SLIT2: variants seen among roughly 807,000 people sequenced by gnomAD.
The protein encoded by SLIT2 is slit homolog 2 protein.
In SLIT2, 41 loss-of-function variants were observed where a neutral mutation model predicts 185.7. That is an observed-to-expected ratio of 0.22 (90% CI 0.17 to 0.29). SLIT2 has a LOEUF of 0.29. SLIT2 is among the 10% of genes least tolerant of loss of function. SLIT2 has a pLI of 1.00. For synonymous variants in SLIT2, 693 were observed against 680.2 expected, an observed-to-expected ratio of 1.02 and a Z score of -0.29; for missense variants, 1,571 against 1,909.0, an observed-to-expected ratio of 0.82 and a Z score of 3.30.
At chr4:20,588,063 T>C (rs1450283058) in intron 29 of SLIT2, among the ~76,000 whole-genome samples, 1 of 152,248 alleles carries the variant, frequency 6.6e-6, no homozygotes, top group Non-Finnish European at 1.5e-5. Flanking sequence ...TGATAAAATA[T>C]GATGAATGCA....
At chr4:20,274,588 A>G (rs1713971822) in intron 4 of SLIT2, among the ~76,000 whole-genome samples, 1 of 152,160 alleles carries the variant, frequency 6.6e-6, no homozygotes, top group Non-Finnish European at 1.5e-5. Context: ...TTTTTACTTC[A>G]AAGGAATTAC....
intron 17 of SLIT2, among the ~76,000 whole-genome samples, chr4:20,533,222 T>G (rs1019829879): frequency 2.0e-5 from 3 of 152,242 alleles, no homozygotes; most frequent in African/African-American, 4.8e-5. Flanking sequence ...TCATTAACAT[T>G]TGACAATTTT....
chr4:20,445,304 C>T (rs562832207), intron 4 of SLIT2, among the ~76,000 whole-genome samples: 2 of 152,282 alleles, frequency 1.3e-5, no homozygotes, highest in East Asian at 1.9e-4. Flanking sequence ...ACATGAGCAT[C>T]ATATTTTCAA....
intron 33 of SLIT2, among the ~76,000 whole-genome samples, chr4:20,606,275 A>G (rs1728791376): frequency 6.6e-6 from 1 of 152,120 alleles, no homozygotes; most frequent in African/African-American, 2.4e-5. Flanking sequence ...CAGGAAGATC[A>G]CTTGAGACCA....
intron 4 of SLIT2, among the ~76,000 whole-genome samples, chr4:20,293,779 A>G (rs190355840): frequency 6.4e-4 from 98 of 152,242 alleles, no homozygotes; most frequent in African/African-American, 2.1e-3. Flanking sequence ...CAGGTGTCAG[A>G]TATATTATGT....
chr4:20,518,842 G>A (rs930002187), intron 11 of SLIT2, among the ~76,000 whole-genome samples: 17 of 149,764 alleles, frequency 1.1e-4, no homozygotes, highest in African/African-American at 3.2e-4. Flanking sequence ...TCCTGACCTC[G>A]TGATCCGCCC....
At position 20,464,791 on chromosome 4, in the gene SLIT2, C is replaced by CT. The variant is rs372867362; in HGVS notation, c.396-2953dup. 2.5e-3 allele frequency among the ~76,000 whole-genome samples: 385 copies of CT among 152,122 alleles called. 2 individuals are homozygous for CT. The highest frequency in any genetic ancestry group is 9.1e-3 in the African/African-American group (377 of 41,500). On this transcript the variant is annotated intron_variant, in intron 4 of 36. Transcript: ENST00000504154. Reference sequence around the variant, plus strand: ...TTATGTGTTGACACATTCACATAATCTTTTTTTTCTTATTCCAAGTGCTTT... The same window carrying CT: ...TTATGTGTTGACACATTCACATAATCTTTTTTTTTCTTATTCCAAGTGCTTT...
chr4:20,379,382 GTACTT>G (rs1724302264), intron 4 of SLIT2, among the ~76,000 whole-genome samples: 1 of 152,096 alleles, frequency 6.6e-6, no homozygotes, highest in Non-Finnish European at 1.5e-5. Context: ...ATGATATTAT[GTACTT>G]TATTTTATGT....
At chr4:20,426,432 A>G (rs1728562638) in intron 4 of SLIT2, among the ~76,000 whole-genome samples, 1 of 152,210 alleles carries the variant, frequency 6.6e-6, no homozygotes, top group Non-Finnish European at 1.5e-5. Context: ...GGGGAAAAAC[A>G]GTTTTGCAAA....
In SLIT2 at chr4:20,417,436, GTATATATATA is replaced by G. The variant is rs367855245; in HGVS notation, c.396-50303_396-50294del. On this transcript the variant is annotated intron_variant, in intron 4 of 36. Coordinates refer to ENST00000504154, the MANE Select transcript of SLIT2 (RefSeq NM_004787.4). ...CGCAATCATATATATATGTGTGTGT[GTATATATATA>G]TATATATATATACGTATATATATGT... is the stretch of plus-strand genomic sequence containing the variant. 3.5e-3 allele frequency among the ~76,000 whole-genome samples: 427 copies of G among 123,680 alleles called. 24 individuals are homozygous for G. The highest frequency in any genetic ancestry group is 6.7e-4 in the Non-Finnish European group (38 of 56,754). The allele number at this position is 123,680 out of a possible 152,430, so 81.1% of individuals were successfully genotyped here.
intron 14 of SLIT2, among the ~76,000 whole-genome samples, chr4:20,524,825 T>C (rs1205771877): frequency 6.6e-6 from 1 of 152,246 alleles, no homozygotes; most frequent in African/African-American, 2.4e-5. Flanking sequence ...ATTTACTGTT[T>C]GCTTTGATCT....
At chr4:20,385,616 G>A (rs1481497279) in intron 4 of SLIT2, among the ~76,000 whole-genome samples, 1 of 152,128 alleles carries the variant, frequency 6.6e-6, no homozygotes, top group African/African-American at 2.4e-5. Flanking sequence ...AAAGTCAGTT[G>A]CATTTCTCTT....
intron 4 of SLIT2, among the ~76,000 whole-genome samples, chr4:20,374,625 T>C (rs1040779233): frequency 7.2e-5 from 11 of 152,036 alleles, no homozygotes; most frequent in African/African-American, 2.4e-4. Context: ...TTTTCCAATC[T>C]GTATTCTTTT....
chr4:20,292,019 A>G (rs770370136), intron 4 of SLIT2, among the ~76,000 whole-genome samples: 4 of 151,982 alleles, frequency 2.6e-5, no homozygotes, highest in Non-Finnish European at 5.9e-5. Flanking sequence ...TGGCTGGACT[A>G]TGGCTGAGAT....
chr4:20,482,190 C>T (rs777097324), intron 6 of SLIT2, among the ~76,000 whole-genome samples: 3 of 151,874 alleles, frequency 2.0e-5, no homozygotes, highest in Non-Finnish European at 1.5e-5. Flanking sequence ...AATCAAACAG[C>T]TGATCAAGCC....
In SLIT2 at chr4:20,379,682, T is replaced by C. The variant is rs185914919; in HGVS notation, c.396-88070T>C. On this transcript the variant is annotated intron_variant, in intron 4 of 36. Transcript: ENST00000504154. ...ATGACAGGAATGGGATTTACTCTCC[T>C]GCTTTAACTAGAAAATTAATGAAAA... 6.6e-5 allele frequency among the ~76,000 whole-genome samples: 10 copies of C among 152,282 alleles called. No individual in the cohort carries two copies. The South Asian group carries it at 1.0e-3, about 16-fold the overall frequency.
intron 4 of SLIT2, among the ~76,000 whole-genome samples, chr4:20,401,470 G>C (rs1726355653): frequency 6.6e-6 from 1 of 151,746 alleles, no homozygotes; most frequent in South Asian, 2.1e-4. Flanking sequence ...ATGTCTCTCT[G>C]TGAGAGACAA....
chr4:20,411,529 T>C (rs1727259029), intron 4 of SLIT2, among the ~76,000 whole-genome samples: 1 of 152,222 alleles, frequency 6.6e-6, no homozygotes, highest in African/African-American at 2.4e-5. Context: ...TCTTGCTGCA[T>C]TTCAGGCTTT....
intron 4 of SLIT2, among the ~76,000 whole-genome samples, chr4:20,430,652 C>A (rs916030897): frequency 6.6e-6 from 1 of 152,204 alleles, no homozygotes; most frequent in Non-Finnish European, 1.5e-5. Flanking sequence ...GTATAAAACA[C>A]ATTTCCTTAA....
Sources: gnomAD v4.1 joint callset for allele counts (sites outside exome capture counted in the v4.1 genomes callset) on GRCh38, gnomAD v4.1.1 for gene constraint, MANE v1.5 for transcripts, NCBI Gene and HGNC (gene_info 2026-07-23, HGNC 2026-07-21) for gene names.